GRID2: variants seen among roughly 807,000 people sequenced by gnomAD.
GRID2 encodes glutamate receptor ionotropic, delta-2.
Under a neutral mutation model 114.8 loss-of-function variants are expected in GRID2, and 33 were observed. The ratio of observed to expected loss-of-function variants is 0.29; its 90% CI spans 0.22 to 0.38. The LOEUF (loss-of-function observed/expected upper bound fraction) is 0.38, where lower values mean the gene tolerates loss of function less well. Ranked by LOEUF, GRID2 falls within the 10% of genes least tolerant of loss-of-function variation. The pLI is 1.00. For synonymous variants in GRID2, 505 were observed against 449.9 expected (o/e 1.12, Z -1.55); for missense variants, 1,184 against 1,257.7 (o/e 0.94, Z 0.89).
chr4:93,707,934 G>A (rs1410893769), intron 14 of GRID2, among the ~76,000 whole-genome samples: 1 of 151,578 alleles, frequency 6.6e-6, no homozygotes, highest in Non-Finnish European at 1.5e-5. Context: ...CCTTCTTAAT[G>A]TCTTCATTGA....
intron 14 of GRID2, among the ~76,000 whole-genome samples, chr4:93,767,584 C>T (rs1348567476): frequency 3.3e-5 from 5 of 152,162 alleles, no homozygotes; most frequent in East Asian, 1.9e-4. Context: ...GCTGTGGGAA[C>T]GTCTGGGAGA....
intron 14 of GRID2, among the ~76,000 whole-genome samples, chr4:93,705,772 G>A (rs1405524142): frequency 6.6e-6 from 1 of 152,102 alleles, no homozygotes; most frequent in Admixed American, 6.5e-5. Flanking sequence ...CAATGTTATA[G>A]AGTTTTTCCA....
intron 10 of GRID2, among the ~76,000 whole-genome samples, chr4:93,432,400 T>C (rs1171897495): frequency 6.6e-6 from 1 of 152,130 alleles, no homozygotes; most frequent in Non-Finnish European, 1.5e-5. Flanking sequence ...TAAACTTGGA[T>C]AAAATTTTGG....
intron 14 of GRID2, among the ~76,000 whole-genome samples, chr4:93,637,178 A>T (rs1370275809): frequency 6.6e-6 from 1 of 152,174 alleles, no homozygotes; most frequent in Non-Finnish European, 1.5e-5. Flanking sequence ...TCTAACTTAT[A>T]AAGAAACTAT....
intron 8 of GRID2, among the ~76,000 whole-genome samples, chr4:93,332,161 T>C (rs1179702163): frequency 6.6e-6 from 1 of 152,086 alleles, no homozygotes; most frequent in Non-Finnish European, 1.5e-5. Flanking sequence ...AATCGCTGTC[T>C]TGTTTCTGAA....
At chr4:92,442,513 G>A (rs981434948) in intron 1 of GRID2, among the ~76,000 whole-genome samples, 1 of 152,056 alleles carries the variant, frequency 6.6e-6, no homozygotes, top group African/African-American at 2.4e-5. Flanking sequence ...AGATGTGGCT[G>A]GGGTTTGTCT....
At chr4:93,291,160 A>G (rs1051558697) in intron 8 of GRID2, among the ~76,000 whole-genome samples, 1 of 151,838 alleles carries the variant, frequency 6.6e-6, no homozygotes, top group African/African-American at 2.4e-5. Context: ...GGCGTAAGCC[A>G]CCGTGCCCGG....
intron 2 of GRID2, among the ~76,000 whole-genome samples, chr4:92,872,506 T>C (rs1380774476): frequency 1.3e-5 from 2 of 152,092 alleles, no homozygotes; most frequent in Admixed American, 6.6e-5. Context: ...AATTAAATGA[T>C]GGAAATTGAA....
At chr4:93,573,883 A>G (rs1235465940) in intron 13 of GRID2, among the ~76,000 whole-genome samples, 1 of 152,082 alleles carries the variant, frequency 6.6e-6, no homozygotes, top group Admixed American at 6.6e-5. Context: ...TCAAATTCCA[A>G]CTCCACAACT....
intron 13 of GRID2, among the ~76,000 whole-genome samples, chr4:93,610,939 G>C (rs929224528): frequency 5.0e-5 from 7 of 138,672 alleles, no homozygotes; most frequent in Non-Finnish European, 7.7e-5. Flanking sequence ...GAATCCATCT[G>C]GTCCTGGACT....
chr4:92,911,500 T>C (rs1748378525), intron 2 of GRID2, among the ~76,000 whole-genome samples: 1 of 151,980 alleles, frequency 6.6e-6, no homozygotes, highest in Non-Finnish European at 1.5e-5. Context: ...GTAGTATTCT[T>C]ACCACGTGTA....
chr4:92,943,292 C>G lies in GRID2; in HGVS notation c.245-141703C>G, dbSNP rs1653124916. ...TTCTTTTTATTCTTTTTTCTCTGAA[C>G]TTCTCTTCTCACTTCATTTCATTCA... On this transcript the variant is annotated intron_variant, in intron 2 of 15. Coordinates refer to ENST00000282020, the MANE Select transcript of GRID2 (RefSeq NM_001510.4). Among the ~76,000 whole-genome samples, 6 of 152,196 alleles carry G rather than the reference C, an allele frequency of 3.9e-5. No homozygotes were observed. The South Asian group carries it at 1.2e-3, about 32-fold the overall frequency.
intron 2 of GRID2, among the ~76,000 whole-genome samples, chr4:92,998,944 G>A (rs185696496): frequency 1.1e-3 from 162 of 151,928 alleles, no homozygotes; most frequent in Admixed American, 5.5e-3. Flanking sequence ...CTGCTATGGT[G>A]ATCAATAATG....
chr4:93,160,328 C>A (rs1231985373), intron 4 of GRID2, among the ~76,000 whole-genome samples: 1 of 151,584 alleles, frequency 6.6e-6, no homozygotes, highest in Non-Finnish European at 1.5e-5. Context: ...ATTTGAAAAA[C>A]CACAAATGAA....
chr4:92,803,644 T>G (rs997183096), intron 2 of GRID2, among the ~76,000 whole-genome samples: 1 of 152,010 alleles, frequency 6.6e-6, no homozygotes, highest in Non-Finnish European at 1.5e-5. Context: ...TTTCAGAGCA[T>G]TTTATTTTTG....
chr4:93,649,008 G>A (rs1722352508), intron 14 of GRID2, among the ~76,000 whole-genome samples: 1 of 152,066 alleles, frequency 6.6e-6, no homozygotes, highest in South Asian at 2.1e-4. Flanking sequence ...CTTTAGTACT[G>A]AATCAATAAA....
At chr4:93,576,455 T>C (rs532377114) in intron 13 of GRID2, among the ~76,000 whole-genome samples, 57 of 152,312 alleles carry the variant, frequency 3.7e-4, no homozygotes, top group African/African-American at 1.3e-3. Context: ...TCAGGACAAG[T>C]AGAAGTTGAA....
Position 92,796,490 on chromosome 4 carries a change from G to C in GRID2, c.244+206204G>C, listed in dbSNP as rs1386277474. ...GGGGATTAGTAGCTTTATAGGTAGG[G>C]CAATCCTGATCATAAACCCAACTTT... On this transcript the variant is annotated intron_variant, in intron 2 of 15. Transcript: ENST00000282020. 2.6e-5 allele frequency among the ~76,000 whole-genome samples: 4 copies of C among 151,948 alleles called. No individual in the cohort carries two copies. The East Asian group carries it at 7.8e-4, about 30-fold the overall frequency.
intron 7 of GRID2, 86 bp from the exon 8 acceptor site, chr4:93,238,279 ATAGAAG>A: frequency 3.6e-6 from 3 of 832,690 alleles, no homozygotes; most frequent in African/African-American, 1.7e-5. Flanking sequence ...TATTTTATAG[ATAGAAG>A]TAGAGTTCCT....
Sources: allele counts gnomAD v4.1 joint callset (sites outside exome capture counted in the v4.1 genomes callset), GRCh38; gene constraint gnomAD v4.1.1; transcripts MANE v1.5; gene names NCBI Gene and HGNC (gene_info 2026-07-23, HGNC 2026-07-21).